Variants in CNTN6 observed in about 807,000 individuals in gnomAD.
The protein encoded by CNTN6 is contactin 6, also known as contactin-6.
A neutral mutation model predicts 122.8 loss-of-function variants in CNTN6; 137 were observed. The observed-to-expected ratio is 1.12, with a 90% CI of 0.97 to 1.29. CNTN6 has a LOEUF of 1.29. CNTN6 is among the 50% of genes most tolerant of loss of function. The pLI, the probability that CNTN6 is intolerant of heterozygous loss-of-function variation, is 0.00. For missense variants in CNTN6, 1,634 were observed against 1,223.4 expected, an observed-to-expected ratio of 1.34 and a Z score of -5.01; for synonymous variants, 570 against 426.0, an observed-to-expected ratio of 1.34 and a Z score of -4.16.
chr3:1,270,642 ACTT>A (rs1317008769), intron 4 of CNTN6, among the ~76,000 whole-genome samples: 1 of 152,172 alleles, frequency 6.6e-6, no homozygotes, highest in Non-Finnish European at 1.5e-5. Flanking sequence ...CAGTGCTAAA[ACTT>A]CTTCAGAAGG....
At chr3:1,271,414 C>T (rs2095024617) in intron 4 of CNTN6, among the ~76,000 whole-genome samples, 1 of 152,062 alleles carries the variant, frequency 6.6e-6, no homozygotes, top group South Asian at 2.1e-4. Context: ...CTTTAGGAGC[C>T]ATATACCCAA....
chr3:1,245,246 A>G lies in CNTN6; in HGVS notation c.358+17253A>G, dbSNP rs2094553096. On this transcript the variant is annotated intron_variant, in intron 4 of 22. Transcript: ENST00000446702. Reference sequence around the variant, plus strand: ...TATATATATATATATACACACACACATATATATATAACATATATATATATA... The same window carrying G: ...TATATATATATATATACACACACACGTATATATATAACATATATATATATA... Among the ~76,000 whole-genome samples the G allele has an allele frequency of 9.0e-5, 2 of 22,318 alleles. 1 individual carries two copies. Among genetic ancestry groups the G allele is most frequent in the Non-Finnish European group, 1.6e-4 (2 of 12,816 alleles). The allele number at this position is 22,318 out of a possible 152,430, so 14.6% of individuals were successfully genotyped here. A position where few individuals can be genotyped will look rare whatever the true frequency, so the allele number is the denominator to read the frequency against.
At chr3:1,202,369 T>G (rs1298092906) in intron 2 of CNTN6, among the ~76,000 whole-genome samples, 2 of 151,370 alleles carry the variant, frequency 1.3e-5, no homozygotes, top group African/African-American at 4.9e-5. Context: ...TGAAACCGCG[T>G]CTCTACTAAA....
chr3:1,171,278 T>C (rs2093353592), intron 2 of CNTN6, among the ~76,000 whole-genome samples: 1 of 152,276 alleles, frequency 6.6e-6, no homozygotes, highest in Non-Finnish European at 1.5e-5. Context: ...ACTCCAAAAA[T>C]TTAAGCAAAG....
intron 7 of CNTN6, among the ~76,000 whole-genome samples, chr3:1,319,911 C>T (rs1042919476): frequency 6.7e-6 from 1 of 150,268 alleles, no homozygotes; most frequent in African/African-American, 2.4e-5. Context: ...TAGATAAAAA[C>T]TTCACATGCA....
intron 1 of CNTN6, among the ~76,000 whole-genome samples, chr3:1,126,944 C>G (rs1286295981): frequency 1.3e-5 from 2 of 151,674 alleles, no homozygotes; most frequent in Admixed American, 1.3e-4. Context: ...ATCACCAGGT[C>G]AATGGAATCT....
intron 2 of CNTN6, among the ~76,000 whole-genome samples, chr3:1,207,296 C>T (rs2093971059): frequency 6.6e-6 from 1 of 151,912 alleles, no homozygotes; most frequent in Non-Finnish European, 1.5e-5. Flanking sequence ...AATTTTTCTC[C>T]AACATATTAC....
At chr3:1,162,465 G>C (rs1021619677) in intron 2 of CNTN6, among the ~76,000 whole-genome samples, 1 of 152,184 alleles carries the variant, frequency 6.6e-6, no homozygotes, top group African/African-American at 2.4e-5. Context: ...AGAGGGAGAA[G>C]TGTGTTCTAA....
intron 3 of CNTN6, among the ~76,000 whole-genome samples, chr3:1,224,522 C>T (rs1424351325): frequency 1.3e-5 from 2 of 152,000 alleles, no homozygotes; most frequent in Non-Finnish European, 2.9e-5. Context: ...GAAAACATCA[C>T]ATTACTCCCT....
chr3:1,314,396 A>T (rs1449653527), intron 7 of CNTN6, among the ~76,000 whole-genome samples: 1 of 152,100 alleles, frequency 6.6e-6, no homozygotes, highest in Admixed American at 6.6e-5. Flanking sequence ...CAAGCATCTT[A>T]AGAAACTCAT....
intron 4 of CNTN6, among the ~76,000 whole-genome samples, chr3:1,255,628 A>T (rs2094744522): frequency 6.6e-6 from 1 of 152,028 alleles, no homozygotes; most frequent in African/African-American, 2.4e-5. Context: ...ACGTTACCTA[A>T]TTTATTACAT....
At position 1,220,822 on chromosome 3, in the gene CNTN6, C is replaced by T; in HGVS notation, c.182+9C>T. ...CCTTCGCCTCATTATAGGTAAAATC[C>T]TACCTGTGGGCACCACACTATTTTG... On this transcript the variant is annotated intron_variant, in intron 3 of 22. Transcript: ENST00000446702. The T allele has an allele frequency of 6.3e-7, 1 of 1,589,270 alleles. No individual in the cohort carries two copies. Among genetic ancestry groups the T allele is most frequent in the South Asian group, 1.2e-5 (1 of 85,984 alleles).
At chr3:1,402,253 G>C (rs1337347601) in intron 21 of CNTN6, 65 bp from the exon 22 acceptor site, 20 of 1,323,138 alleles carry the variant, frequency 1.5e-5, no homozygotes, top group Non-Finnish European at 1.9e-5. Context: ...CAGTGTTCCA[G>C]AACAGTTGTG....
chr3:1,321,666 AGTTGGAGAAG>A lies in CNTN6; in HGVS notation c.785_794del (p.Arg262ThrfsTer88). The A allele has an allele frequency of 6.2e-7, 1 of 1,611,196 alleles. No homozygotes were observed. On this transcript the variant is annotated frameshift_variant, in exon 8 of 23. Coordinates refer to ENST00000446702, the MANE Select transcript of CNTN6 (RefSeq NM_001289080.2). LOFTEE classifies it high-confidence loss of function. Reference sequence around the variant, plus strand: ...ACTGTTTAGTCCAGTCCCCGATATTAGTTGGAGAAGGTTGGACGGGAGCCCGTTGCCAGGG... The same window carrying A: ...ACTGTTTAGTCCAGTCCCCGATATTAGTTGGACGGGAGCCCGTTGCCAGGG...
At chr3:1,269,716 C>T (rs1231124302) in intron 4 of CNTN6, among the ~76,000 whole-genome samples, 1 of 152,066 alleles carries the variant, frequency 6.6e-6, no homozygotes, top group African/African-American at 2.4e-5. Flanking sequence ...GAAATGTTTA[C>T]CTCCCTGAAA....
intron 1 of CNTN6, among the ~76,000 whole-genome samples, chr3:1,103,888 A>G (rs2091080682): frequency 6.6e-6 from 1 of 151,868 alleles, no homozygotes; most frequent in Non-Finnish European, 1.5e-5. Flanking sequence ...TTCTTTTATG[A>G]TTTTTTTTCT....
rs2094062539 is a variant in CNTN6, at chr3:1,212,638, T to TTTGC, written c.56-8048_56-8047insTGCT. ...CAGTGGCTCAAAAATACCAACACCA[T>TTTGC]TCTTTTTCCCAAATACATTCTTAAA... On this transcript the variant is annotated intron_variant, in intron 2 of 22. Coordinates refer to ENST00000446702, the MANE Select transcript of CNTN6 (RefSeq NM_001289080.2). Among the ~76,000 whole-genome samples, 3 of 152,004 alleles carry TTTGC rather than the reference T, an allele frequency of 2.0e-5. No individual in the cohort carries two copies. The South Asian group carries it at 6.2e-4, about 31-fold the overall frequency.
At chr3:1,108,948 A>G (rs2091352049) in intron 1 of CNTN6, among the ~76,000 whole-genome samples, 4 of 152,026 alleles carry the variant, frequency 2.6e-5, no homozygotes, top group Non-Finnish European at 4.4e-5. Context: ...ATTACCATTT[A>G]AAATATTTAA....
intron 2 of CNTN6, among the ~76,000 whole-genome samples, chr3:1,218,638 G>A (rs1427909111): frequency 6.6e-6 from 1 of 152,142 alleles, no homozygotes; most frequent in African/African-American, 2.4e-5. Context: ...AAGATAATGG[G>A]CACCAGGGTT....
Sources: allele counts gnomAD v4.1 joint callset (sites outside exome capture counted in the v4.1 genomes callset), GRCh38; gene constraint gnomAD v4.1.1; transcripts MANE v1.5; gene names NCBI Gene and HGNC (gene_info 2026-07-23, HGNC 2026-07-21).